The following PPIL1 variants were observed in gnomAD, a reference collection of about 807,000 sequenced individuals.
PPIL1 encodes the protein peptidylprolyl isomerase like 1.
In PPIL1, 14 loss-of-function variants were observed where a neutral mutation model predicts 19.4. The ratio of observed to expected loss-of-function variants is 0.72; its 90% CI spans 0.48 to 1.13. The LOEUF (loss-of-function observed/expected upper bound fraction) is 1.13, where lower values mean the gene tolerates loss of function less well. Ranked by LOEUF, PPIL1 falls within the 50% of genes most tolerant of loss-of-function variation. The pLI is 0.00. For synonymous variants in PPIL1, 72 were observed against 73.6 expected (o/e 0.98, Z 0.11); for missense variants, 192 against 218.0 (o/e 0.88, Z 0.75).
At chr6:36,866,748 G>A (rs554324379) in intron 2 of PPIL1, among the ~76,000 whole-genome samples, 3 of 152,216 alleles carry the variant, frequency 2.0e-5, no homozygotes, top group East Asian at 3.9e-4. Context: ...CAACATGAGG[G>A]GGAGAGAGGA....
chr6:36,868,643 G>A (rs1774440931), intron 2 of PPIL1, among the ~76,000 whole-genome samples: 1 of 152,110 alleles, frequency 6.6e-6, no homozygotes, highest in South Asian at 2.1e-4. Context: ...TTTGAGACCG[G>A]CCTCAGCAAC....
intron 2 of PPIL1, among the ~76,000 whole-genome samples, chr6:36,870,539 C>T (rs189286891): frequency 2.0e-5 from 3 of 152,324 alleles, no homozygotes; most frequent in Admixed American, 2.0e-4. Context: ...ACTCCCCAAA[C>T]AATACAGTAC....
chr6:36,861,100 C>CG (rs1240858798), intron 2 of PPIL1, among the ~76,000 whole-genome samples: 1 of 151,972 alleles, frequency 6.6e-6, no homozygotes, highest in Admixed American at 6.6e-5. Context: ...CAAGAGCTCT[C>CG]GGGGGCCAAT....
chr6:36,860,763 T>TAAA (rs10585822), intron 2 of PPIL1, among the ~76,000 whole-genome samples: 4 of 122,222 alleles, frequency 3.3e-5, no homozygotes, highest in Non-Finnish European at 7.0e-5. Context: ...TATGTATCCC[T>TAAA]AAAAAAAAAA....
intron 2 of PPIL1, among the ~76,000 whole-genome samples, chr6:36,867,121 G>A (rs2150658572): frequency 6.6e-6 from 1 of 152,296 alleles, no homozygotes; most frequent in South Asian, 2.1e-4. Context: ...ATGTTTCACA[G>A]GACGAGCCAG....
At chr6:36,872,840 G>A (rs1460775186) in intron 1 of PPIL1, among the ~76,000 whole-genome samples, 2 of 152,102 alleles carry the variant, frequency 1.3e-5, no homozygotes, top group Non-Finnish European at 2.9e-5. Context: ...GAACTCCTGG[G>A]CTCAAGCAAT....
chr6:36,868,575 T>C (rs1296426842), intron 2 of PPIL1, among the ~76,000 whole-genome samples: 1 of 152,218 alleles, frequency 6.6e-6, no homozygotes, highest in African/African-American at 2.4e-5. Flanking sequence ...TGATGGCTCA[T>C]GCCTGTAATC....
intron 2 of PPIL1, among the ~76,000 whole-genome samples, chr6:36,863,552 GT>G (rs1368596684): frequency 2.6e-5 from 4 of 152,084 alleles, no homozygotes; most frequent in Non-Finnish European, 5.9e-5. Context: ...ATTTAAACAT[GT>G]TATTGATATT....
At chr6:36,874,450 T>TTGAATGAA (rs147444607) in intron 1 of PPIL1, among the ~76,000 whole-genome samples, 4 of 152,154 alleles carry the variant, frequency 2.6e-5, no homozygotes, top group African/African-American at 4.8e-5. Flanking sequence ...TACACGTTTG[T>TTGAATGAA]TGAATGAATG....
chr6:36,856,539 T>C (rs1774170911), intron 3 of PPIL1, 47 bp downstream of exon 3: 2 of 1,549,134 alleles, frequency 1.3e-6, no homozygotes. Flanking sequence ...AAGAGTGAGC[T>C]TTTAAAATCC....
At chr6:36,868,642 G>C (rs576845397) in intron 2 of PPIL1, among the ~76,000 whole-genome samples, 1 of 152,070 alleles carries the variant, frequency 6.6e-6, no homozygotes, top group South Asian at 2.1e-4. Flanking sequence ...GTTTGAGACC[G>C]GCCTCAGCAA....
chr6:36,860,115 A>T (rs1469217325), intron 2 of PPIL1, among the ~76,000 whole-genome samples: 2 of 151,720 alleles, frequency 1.3e-5, no homozygotes, highest in Non-Finnish European at 2.9e-5. Flanking sequence ...GTGAGCCACC[A>T]CACCCGGCCA....
intron 2 of PPIL1, among the ~76,000 whole-genome samples, chr6:36,859,424 C>CAAAA (rs36097489): frequency 1.4e-4 from 10 of 73,194 alleles, no homozygotes; most frequent in East Asian, 7.3e-4. Context: ...GACCCTGTCT[C>CAAAA]AAAAAAAAAA....
intron 2 of PPIL1, among the ~76,000 whole-genome samples, chr6:36,863,601 C>T (rs942595673): frequency 1.3e-5 from 2 of 152,092 alleles, no homozygotes; most frequent in Non-Finnish European, 2.9e-5. Flanking sequence ...TCCAAGTATC[C>T]TCCTATTTCT....
intron 2 of PPIL1, among the ~76,000 whole-genome samples, chr6:36,870,618 C>T (rs779562046): frequency 6.6e-6 from 1 of 152,010 alleles, no homozygotes; most frequent in Non-Finnish European, 1.5e-5. Context: ...TAGAGTGATC[C>T]TTTTATTTAT....
Position 36,855,801 on chromosome 6 carries a change from A to C in PPIL1, c.*12T>G. On this transcript the variant is annotated 3_prime_UTR_variant, in exon 4 of 4. Coordinates refer to ENST00000373699, the MANE Select transcript of PPIL1 (RefSeq NM_016059.5). Reference sequence around the variant, plus strand: ...GGCCATCTCAGAAGAGCTGCTCAAGAGGGTAGCAAGTCTACCCAGAAGGGT... The same window carrying C: ...GGCCATCTCAGAAGAGCTGCTCAAGCGGGTAGCAAGTCTACCCAGAAGGGT... 6.2e-7 allele frequency: 1 copy of C among 1,611,616 alleles called. No individual in the cohort carries two copies. Among genetic ancestry groups the C allele is most frequent in the Non-Finnish European group, 8.5e-7 (1 of 1,177,748 alleles).
chr6:36,870,099 T>TAA (rs11428614), intron 2 of PPIL1, among the ~76,000 whole-genome samples: 38 of 132,656 alleles, frequency 2.9e-4, no homozygotes, highest in East Asian at 1.6e-3. Context: ...CCATATACAT[T>TAA]AAAAAAAAAA....
chr6:36,855,817 C>T lies in PPIL1; in HGVS notation c.497G>A (p.Gly166Glu). ...DVKIIKAYPS[G>E] ...CTGCTCAAGAGGGTAGCAAGTCTAC[C>T]CAGAAGGGTATGCCTTAATGATCTT... Residue 166 changes from glycine to glutamate, a missense_variant, in exon 4 of 4, where the codon GGG (glycine) becomes GAG (glutamate). By Grantham distance (98) the Gly-to-Glu change is moderately conservative (BLOSUM62 -2). Coordinates refer to ENST00000373699, the MANE Select transcript of PPIL1 (RefSeq NM_016059.5). 1.2e-6 allele frequency: 2 copies of T among 1,614,080 alleles called. No homozygotes were observed. The highest frequency in any genetic ancestry group is 1.7e-6 in the Non-Finnish European group (2 of 1,179,994).
Position 36,854,968 on chromosome 6 carries a change from C to G in PPIL1, c.*845G>C, listed in dbSNP as rs1456445563. ...CAACTGAACATATAAAAATCTTGGA[C>G]CTAATTTCTCTAAAGTCTTGGGTTA... On this transcript the variant is annotated 3_prime_UTR_variant, in exon 4 of 4. Transcript: ENST00000373699. The G allele has an allele frequency of 6.6e-6, 1 of 152,594 alleles. No homozygotes were observed. 9.5% of individuals were successfully genotyped at this position (152,594 alleles called of 1,614,324 possible).
Sources: allele counts gnomAD v4.1 joint callset (sites outside exome capture counted in the v4.1 genomes callset), GRCh38; gene constraint gnomAD v4.1.1; transcripts MANE v1.5; gene names NCBI Gene and HGNC (gene_info 2026-07-23, HGNC 2026-07-21).